MACROD1: variants seen among roughly 807,000 people sequenced by gnomAD.
MACROD1 encodes ADP-ribose glycohydrolase MACROD1.
Under a neutral mutation model 41.4 loss-of-function variants are expected in MACROD1, and 31 were observed. That is an observed-to-expected ratio of 0.75 (90% CI 0.56 to 1.01). MACROD1 has a LOEUF of 1.01. Ranked by LOEUF, MACROD1 falls within the 50% of genes least tolerant of loss-of-function variation. The pLI is 0.00. For synonymous variants in MACROD1, 252 were observed against 203.4 expected (o/e 1.24, Z -2.03); for missense variants, 473 against 460.0 (o/e 1.03, Z -0.26).
chr11:64,053,147 G>A (rs776902687), intron 3 of MACROD1, among the ~76,000 whole-genome samples: 3 of 152,324 alleles, frequency 2.0e-5, no homozygotes, highest in South Asian at 4.1e-4. Flanking sequence ...AGGCTCATGC[G>A]GGCCCCAGAC....
chr11:64,116,588 C>T (rs775895164), intron 3 of MACROD1: 35 of 1,614,008 alleles, frequency 2.2e-5, no homozygotes, highest in African/African-American at 5.3e-5. Flanking sequence ...CCAAGGTCAA[C>T]GTGCAGGTCA....
chr11:64,151,047 G>A (rs1945568084), intron 3 of MACROD1, among the ~76,000 whole-genome samples, 192 bp downstream of exon 3: 1 of 152,232 alleles, frequency 6.6e-6, no homozygotes, highest in Non-Finnish European at 1.5e-5. Context: ...CCCCGACACA[G>A]CAGGTCAGGG....
At chr11:64,035,222 C>T (rs1426832391) in intron 3 of MACROD1, among the ~76,000 whole-genome samples, 1 of 152,018 alleles carries the variant, frequency 6.6e-6, no homozygotes, top group Non-Finnish European at 1.5e-5. Flanking sequence ...CCTGGCACTG[C>T]CCCCTTAATA....
At chr11:64,038,132 C>T (rs759517228) in intron 3 of MACROD1, among the ~76,000 whole-genome samples, 8 of 152,218 alleles carry the variant, frequency 5.3e-5, no homozygotes, top group Middle Eastern at 3.4e-3. Context: ...CCATGAAAGC[C>T]CCTGGGAGGT....
chr11:64,035,277 G>A (rs1238098411), intron 3 of MACROD1, among the ~76,000 whole-genome samples: 1 of 152,038 alleles, frequency 6.6e-6, no homozygotes, highest in East Asian at 1.9e-4. Flanking sequence ...TTTACAGCAC[G>A]CGGCGGATGA....
intron 9 of MACROD1, 39 bp from the exon 10 acceptor site, chr11:63,998,911 G>A: frequency 1.3e-6 from 2 of 1,593,064 alleles, no homozygotes; most frequent in African/African-American, 1.3e-5. Context: ...CCCCCAGGGT[G>A]GACCGGGGCA....
chr11:64,009,337 A>C (rs944118636), intron 4 of MACROD1, among the ~76,000 whole-genome samples: 5 of 152,186 alleles, frequency 3.3e-5, no homozygotes, highest in Admixed American at 2.0e-4. Flanking sequence ...TCTGTCGGGA[A>C]GGCTGGCAGC....
At chr11:64,044,070 C>T (rs1286203170) in intron 3 of MACROD1, among the ~76,000 whole-genome samples, 1 of 151,966 alleles carries the variant, frequency 6.6e-6, no homozygotes, top group Non-Finnish European at 1.5e-5. Flanking sequence ...CCCACTTCGG[C>T]CTCCCAAAGT....
chr11:64,086,453 C>T (rs1944397131), intron 3 of MACROD1, among the ~76,000 whole-genome samples: 3 of 152,072 alleles, frequency 2.0e-5, no homozygotes. Flanking sequence ...AAACCTGTCC[C>T]TCTGCTCTCC....
intron 3 of MACROD1, among the ~76,000 whole-genome samples, chr11:64,132,913 C>T (rs1438397435): frequency 6.6e-6 from 1 of 152,220 alleles, no homozygotes; most frequent in Non-Finnish European, 1.5e-5. Context: ...ATCTAAGCAG[C>T]TTGCCCAAGG....
intron 3 of MACROD1, among the ~76,000 whole-genome samples, chr11:64,112,826 A>T (rs754037812): frequency 6.6e-6 from 1 of 152,222 alleles, no homozygotes; most frequent in Non-Finnish European, 1.5e-5. Flanking sequence ...GGGCCTTAGC[A>T]GCCACCTTGA....
At chr11:64,084,639 T>C (rs1944362055) in intron 3 of MACROD1, among the ~76,000 whole-genome samples, 1 of 152,180 alleles carries the variant, frequency 6.6e-6, no homozygotes, top group African/African-American at 2.4e-5. Flanking sequence ...ACCCAGCGCA[T>C]GGCAGTGGGG....
chr11:64,070,929 G>C (rs1401208592), intron 3 of MACROD1, among the ~76,000 whole-genome samples: 1 of 152,110 alleles, frequency 6.6e-6, no homozygotes, highest in Non-Finnish European at 1.5e-5. Context: ...ATCTTCTAGG[G>C]GTTGGTTAAG....
Position 63,999,703 on chromosome 11 carries a change from T to C in MACROD1, c.725A>G (p.Glu242Gly). 6.2e-7 allele frequency: 1 copy of C among 1,608,730 alleles called. No homozygotes were observed. Among genetic ancestry groups the C allele is most frequent in the Non-Finnish European group, 8.5e-7 (1 of 1,179,218 alleles). The part of the protein sequence containing the change: ...YGEPSASQAA[E>G]LRSCYLSSLD... ...ACTGCTCAGGTAGCAGCTGCGGAGC[T>C]CGGCAGCCTGACTGGCGCTGGGCTC... Residue 242 changes from glutamate (E) to glycine (G), a missense_variant, in exon 6 of 11, where the codon GAG (glutamate) becomes GGG (glycine). Physicochemically the swap from Glu to Gly is moderately conservative, Grantham distance 98 (BLOSUM62 -2). Coordinates refer to ENST00000255681, the MANE Select transcript of MACROD1 (RefSeq NM_014067.4).
chr11:64,018,756 A>C (rs1943115182), intron 3 of MACROD1, among the ~76,000 whole-genome samples: 1 of 152,184 alleles, frequency 6.6e-6, no homozygotes, highest in Non-Finnish European at 1.5e-5. Flanking sequence ...CAGAGGAGGA[A>C]ACTGAGGCTC....
At chr11:64,007,350 G>A (rs556138432) in intron 4 of MACROD1, among the ~76,000 whole-genome samples, 43 of 152,330 alleles carry the variant, frequency 2.8e-4, no homozygotes, top group African/African-American at 1.0e-3. Flanking sequence ...GGGAGGGATG[G>A]GCGCCGTTCA....
intron 4 of MACROD1, among the ~76,000 whole-genome samples, chr11:64,014,886 G>C (rs1321831316): frequency 6.6e-6 from 1 of 152,244 alleles, no homozygotes; most frequent in Admixed American, 6.5e-5. Context: ...TCCAAGGGCA[G>C]GGTAGAGATG....
At chr11:64,139,696 C>A (rs1340408515) in intron 3 of MACROD1, among the ~76,000 whole-genome samples, 1 of 152,122 alleles carries the variant, frequency 6.6e-6, no homozygotes, top group Non-Finnish European at 1.5e-5. Flanking sequence ...GTGGCTCATG[C>A]CTGTAATCCC....
intron 3 of MACROD1, among the ~76,000 whole-genome samples, chr11:64,150,122 G>A (rs974008122): frequency 7.2e-5 from 11 of 152,230 alleles, no homozygotes; most frequent in African/African-American, 2.4e-4. Context: ...GTGGGAAGAC[G>A]CATAGAGCAA....
Sources: allele counts gnomAD v4.1 joint callset (sites outside exome capture counted in the v4.1 genomes callset), GRCh38; gene constraint gnomAD v4.1.1; transcripts MANE v1.5; gene names NCBI Gene and HGNC (gene_info 2026-07-23, HGNC 2026-07-21).